Variants in ARHGEF4 observed in about 807,000 individuals in gnomAD.
ARHGEF4 encodes Rho guanine nucleotide exchange factor 4.
In ARHGEF4, 119 loss-of-function variants were observed where a neutral mutation model predicts 162.0. The observed-to-expected ratio is 0.73, with a 90% CI of 0.63 to 0.86. The LOEUF is 0.86. ARHGEF4 is among the 40% of genes least tolerant of loss of function. The pLI is 0.00. For missense variants in ARHGEF4, 2,488 were observed against 2,456.0 expected (o/e 1.01, Z -0.28); for synonymous variants, 1,014 against 979.9 (o/e 1.03, Z -0.65).
intron 4 of ARHGEF4, among the ~76,000 whole-genome samples, chr2:130,953,722 C>G (rs1684097081): frequency 1.3e-5 from 2 of 152,070 alleles, no homozygotes; most frequent in Admixed American, 1.3e-4. Context: ...AAAAAACAAC[C>G]CTGTCAAAAA....
intron 4 of ARHGEF4, among the ~76,000 whole-genome samples, chr2:130,988,901 T>TATATAGAGAGAG (rs1469212068): frequency 2.8e-4 from 32 of 113,382 alleles, no homozygotes; most frequent in East Asian, 1.1e-3. Flanking sequence ...TATATATATA[T>TATATAGAGAGAG]AGAGAGAGAG....
At chr2:130,875,335 T>G (rs2104943426) in intron 1 of ARHGEF4, among the ~76,000 whole-genome samples, 1 of 152,300 alleles carries the variant, frequency 6.6e-6, no homozygotes, top group Middle Eastern at 3.4e-3. Context: ...ATACCTACTG[T>G]CTGAGTCAGT....
intron 4 of ARHGEF4, among the ~76,000 whole-genome samples, chr2:130,995,187 G>A (rs1295443400): frequency 6.6e-6 from 1 of 152,204 alleles, no homozygotes; most frequent in Non-Finnish European, 1.5e-5. Context: ...GAATGAATGT[G>A]CAGCATCTCT....
chr2:131,042,878 A>G (rs1393469019), intron 10 of ARHGEF4, among the ~76,000 whole-genome samples: 1 of 152,216 alleles, frequency 6.6e-6, no homozygotes, highest in Non-Finnish European at 1.5e-5. Flanking sequence ...TCAGGTACTC[A>G]GTGCACTTAG....
Position 130,915,029 on chromosome 2 carries a change from C to T in ARHGEF4, c.1083C>T (p.Thr361=). The change falls in exon 2 of 14, where the codon ACC becomes ACT. Residue 361 remains threonine, a synonymous_variant. Transcript: ENST00000409359. ...PVGQNVVKSG[T]HVKEGAKNER... ...GACAGAATGTTGTGAAGTCTGGGAC[C>T]CATGTGAAGGAAGGGGCCAAAAATG... 1 of 1,550,642 alleles carries T rather than the reference C, an allele frequency of 6.4e-7. No homozygotes were observed. The highest frequency in any genetic ancestry group is 8.7e-7 in the Non-Finnish European group (1 of 1,147,018).
At chr2:130,847,339 G>T (rs1423110652) in intron 1 of ARHGEF4, among the ~76,000 whole-genome samples, 2 of 152,220 alleles carry the variant, frequency 1.3e-5, no homozygotes, top group Non-Finnish European at 1.5e-5. Flanking sequence ...CAATGCAGAG[G>T]AGGCCGGGGG....
intron 4 of ARHGEF4, among the ~76,000 whole-genome samples, chr2:130,999,854 C>T (rs1687656037): frequency 6.6e-6 from 1 of 152,152 alleles, no homozygotes; most frequent in South Asian, 2.1e-4. Flanking sequence ...AGGTGCACAC[C>T]ACCACACCTA....
chr2:131,039,570 C>A (rs773465188), intron 6 of ARHGEF4: 3 of 1,035,550 alleles, frequency 2.9e-6, no homozygotes, highest in African/African-American at 3.4e-5. Context: ...AGGTCCCAGG[C>A]CCTGGTGTTC....
At chr2:130,971,035 G>T (rs1212552540) in intron 4 of ARHGEF4, among the ~76,000 whole-genome samples, 1 of 152,074 alleles carries the variant, frequency 6.6e-6, no homozygotes, top group African/African-American at 2.4e-5. Context: ...CTTCTAGAAG[G>T]TTTTACAGTT....
intron 1 of ARHGEF4, among the ~76,000 whole-genome samples, chr2:130,871,066 A>G (rs1001235332): frequency 6.6e-6 from 1 of 152,138 alleles, no homozygotes; most frequent in Non-Finnish European, 1.5e-5. Flanking sequence ...ACGAGCTCCA[A>G]CAGTCACTTC....
intron 2 of ARHGEF4, among the ~76,000 whole-genome samples, chr2:130,923,859 C>A (rs1019965801): frequency 6.6e-6 from 1 of 150,390 alleles, no homozygotes; most frequent in Non-Finnish European, 1.5e-5. Flanking sequence ...GCTTTAGCTG[C>A]AGTCTTTCTT....
chr2:130,893,729 T>C (rs1376845544), intron 1 of ARHGEF4, among the ~76,000 whole-genome samples: 1 of 152,154 alleles, frequency 6.6e-6, no homozygotes, highest in East Asian at 1.9e-4. Context: ...AGCCTCTGTT[T>C]TGATCGATCA....
At chr2:130,895,603 C>A (rs1680107097) in intron 1 of ARHGEF4, among the ~76,000 whole-genome samples, 1 of 152,154 alleles carries the variant, frequency 6.6e-6, no homozygotes, top group Non-Finnish European at 1.5e-5. Context: ...TGATTCTGAG[C>A]ATCACTTCAT....
At chr2:130,926,926 T>G (rs2105092065) in intron 2 of ARHGEF4, among the ~76,000 whole-genome samples, 1 of 140,002 alleles carries the variant, frequency 7.1e-6, no homozygotes, top group East Asian at 2.3e-4. Context: ...GGGAGAAGTT[T>G]ATGGTGGGGT....
intron 1 of ARHGEF4, among the ~76,000 whole-genome samples, chr2:130,852,022 T>C (rs1235976452): frequency 6.6e-6 from 1 of 152,280 alleles, no homozygotes; most frequent in Non-Finnish European, 1.5e-5. Flanking sequence ...GTGGCAGCAC[T>C]TTATCCGTAG....
chr2:130,850,528 G>A (rs1376705640), intron 1 of ARHGEF4, among the ~76,000 whole-genome samples: 1 of 152,202 alleles, frequency 6.6e-6, no homozygotes, highest in African/African-American at 2.4e-5. Flanking sequence ...TTCCAATTCC[G>A]AATTGCCCAA....
In ARHGEF4 at chr2:130,917,440, G is replaced by C. The variant is rs939127564; in HGVS notation, c.3494G>C (p.Gly1165Ala). The change falls in exon 2 of 14, where the codon GGC (glycine) becomes GCC (alanine). Residue 1165 changes from glycine to alanine, a missense_variant. Gly to Ala is a moderately conservative substitution (Grantham distance 60). Coordinates refer to ENST00000409359, the MANE Select transcript of ARHGEF4 (RefSeq NM_001367493.1). ...CAGAAGGAAGAGAGCAGGGAAGGAG[G>C]CCAGGGTCCGCGCGGCTTGGGCACA... The part of the protein sequence containing the change: ...DEQKEESREG[G>A]QGPRGLGTVP... 7.1e-6 allele frequency: 11 copies of C among 1,550,486 alleles called. No homozygotes were observed. Among genetic ancestry groups the C allele is most frequent in the Middle Eastern group, 1.7e-4 (1 of 6,014 alleles).
intron 4 of ARHGEF4, among the ~76,000 whole-genome samples, chr2:131,020,549 T>C (rs9798233): frequency 0.76 from 102,242 of 135,418 alleles, 39,176 homozygotes; most frequent in East Asian, 0.88. Flanking sequence ...GCATAGTATT[T>C]CATGGTGTAT....
At position 131,028,069 on chromosome 2, in the gene ARHGEF4, G is replaced by C. The variant is rs1305451184; in HGVS notation, c.4110G>C (p.Gln1370His). ...HYSHPGGGGE[Q>H]LAINELISDG... ...GCCACCCTGGAGGGGGTGGGGAGCA[G>C]CTGGCTATCAATGAGGTAGGGTCAG... is the stretch of plus-strand genomic sequence containing the variant. The change falls in exon 5 of 14, where the codon CAG (glutamine) becomes CAC (histidine). Residue 1370 changes from glutamine to histidine, a missense_variant. Physicochemically the swap from Gln to His is conservative, Grantham distance 24 (BLOSUM62 0). Around this residue, in one of 6 missense-constraint regions of ARHGEF4, gnomAD observed 1,642 missense variants for 1,481.5 expected, o/e 1.11. Transcript: ENST00000409359. 6.2e-7 allele frequency: 1 copy of C among 1,614,002 alleles called. No individual in the cohort carries two copies. Among genetic ancestry groups the C allele is most frequent in the South Asian group, 1.1e-5 (1 of 91,064 alleles).
Sources: gnomAD v4.1 joint callset for allele counts (sites outside exome capture counted in the v4.1 genomes callset) on GRCh38, gnomAD v4.1.1 for gene constraint, gnomAD v4.1.1 regional missense constraint, MANE v1.5 for transcripts, NCBI Gene and HGNC (gene_info 2026-07-23, HGNC 2026-07-21) for gene names.